KCND2: variants seen among roughly 807,000 people sequenced by gnomAD.
The protein encoded by KCND2 is A-type voltage-gated potassium channel KCND2.
In KCND2, 16 loss-of-function variants were observed where a neutral mutation model predicts 54.4. The ratio of observed to expected loss-of-function variants is 0.29; its 90% CI spans 0.20 to 0.45. The LOEUF (loss-of-function observed/expected upper bound fraction) is 0.45. Ranked by LOEUF, KCND2 falls within the 20% of genes least tolerant of loss-of-function variation. The pLI is 1.00. For synonymous variants in KCND2, 317 were observed against 310.7 expected (o/e 1.02, Z -0.21); for missense variants, 486 against 824.2 (o/e 0.59, Z 5.02).
At chr7:120,646,558 C>T (rs917171673) in intron 1 of KCND2, among the ~76,000 whole-genome samples, 18 of 151,996 alleles carry the variant, frequency 1.2e-4, no homozygotes, top group African/African-American at 4.1e-4. Flanking sequence ...ATGGTTTTTG[C>T]CTATGGCAAC....
At chr7:120,544,197 G>A (rs1050089293) in intron 1 of KCND2, among the ~76,000 whole-genome samples, 2 of 151,912 alleles carry the variant, frequency 1.3e-5, no homozygotes, top group African/African-American at 4.8e-5. Flanking sequence ...TCTTAAAAGA[G>A]TTGAGGTTAT....
chr7:120,457,128 C>G (rs1396955874), intron 1 of KCND2, among the ~76,000 whole-genome samples: 2 of 152,180 alleles, frequency 1.3e-5, no homozygotes, highest in African/African-American at 4.8e-5. Flanking sequence ...CAAGGCTGCA[C>G]ACATTAGGGG....
intron 1 of KCND2, among the ~76,000 whole-genome samples, chr7:120,289,712 G>T (rs1799406795): frequency 6.6e-6 from 1 of 151,952 alleles, no homozygotes; most frequent in Admixed American, 6.6e-5. Context: ...TTCACCTTAG[G>T]CCAGACATAA....
At chr7:120,745,631 A>T in intron 4 of KCND2, 149 bp from the exon 5 acceptor site, 1 of 791,312 alleles carries the variant, frequency 1.3e-6, no homozygotes, top group East Asian at 2.7e-5. Flanking sequence ...AGTGGTTTTG[A>T]TGTCAATCTT....
chr7:120,712,422 C>T (rs1357295565), intron 1 of KCND2, among the ~76,000 whole-genome samples: 1 of 150,766 alleles, frequency 6.6e-6, no homozygotes, highest in Non-Finnish European at 1.5e-5. Flanking sequence ...CGCTACCACG[C>T]CCATTTTTTT....
rs568200180 is a variant in KCND2 at position 120,706,124 on chromosome 7, C to A, written c.1116-26779C>A. 8.3e-4 allele frequency among the ~76,000 whole-genome samples: 127 copies of A among 152,176 alleles called. 3 individuals are homozygous for A. The highest frequency in any genetic ancestry group is 2.9e-3 in the African/African-American group (119 of 41,518). ...AGAGGATAGTACCCCGACATAAAAC[C>A]AGTACAAAAGGTCACACAAAATGCT... On this transcript the variant is annotated intron_variant, in intron 1 of 5. Transcript: ENST00000331113.
At chr7:120,678,549 G>T (rs1018295879) in intron 1 of KCND2, among the ~76,000 whole-genome samples, 2 of 146,510 alleles carry the variant, frequency 1.4e-5, no homozygotes, top group African/African-American at 5.0e-5. Context: ...ATGTAAATGT[G>T]TATGTATGTA....
intron 1 of KCND2, among the ~76,000 whole-genome samples, chr7:120,603,561 A>G (rs914116935): frequency 6.6e-6 from 1 of 152,184 alleles, no homozygotes; most frequent in Non-Finnish European, 1.5e-5. Context: ...GAGAAGTAGC[A>G]TAGGGCAGTA....
At chr7:120,331,747 GTCA>G (rs1263382397) in intron 1 of KCND2, among the ~76,000 whole-genome samples, 3 of 151,996 alleles carry the variant, frequency 2.0e-5, no homozygotes, top group African/African-American at 7.2e-5. Flanking sequence ...AAGGAAAAAT[GTCA>G]TCATAATGAA....
intron 1 of KCND2, among the ~76,000 whole-genome samples, chr7:120,397,650 C>T (rs773884380): frequency 2.0e-5 from 3 of 151,784 alleles, no homozygotes; most frequent in South Asian, 2.1e-4. Context: ...CAGTAAAAAG[C>T]GACAGGAAGT....
At chr7:120,618,062 A>G (rs1029775021) in intron 1 of KCND2, among the ~76,000 whole-genome samples, 1 of 152,206 alleles carries the variant, frequency 6.6e-6, no homozygotes, top group Non-Finnish European at 1.5e-5. Flanking sequence ...ATTGAGTACT[A>G]TGCCGAATAC....
intron 1 of KCND2, among the ~76,000 whole-genome samples, chr7:120,523,456 C>T (rs1034249373): frequency 1.3e-5 from 2 of 149,850 alleles, no homozygotes; most frequent in African/African-American, 4.9e-5. Context: ...TGGACTAAGT[C>T]ATCCATTTAG....
In KCND2 at chr7:120,607,208, C is replaced by T. The variant is rs145829438; in HGVS notation, c.1116-125695C>T. ...TAAGGTTTGTTTTTTTTTTTCTTGA[C>T]TAAATGTTGCCCATATTGTTGCAAG... On this transcript the variant is annotated intron_variant, in intron 1 of 5. Transcript: ENST00000331113. Among the ~76,000 whole-genome samples the T allele has an allele frequency of 4.5e-3, 674 of 150,892 alleles. 6 individuals carry two copies. The highest frequency in any genetic ancestry group is 0.015 in the African/African-American group (635 of 41,126).
chr7:120,292,472 T>C (rs953697436), intron 1 of KCND2, among the ~76,000 whole-genome samples: 1 of 151,924 alleles, frequency 6.6e-6, no homozygotes, highest in Non-Finnish European at 1.5e-5. Flanking sequence ...GTTCTTTTTC[T>C]TCAGAGAATC....
At chr7:120,714,877 C>T (rs972550080) in intron 1 of KCND2, among the ~76,000 whole-genome samples, 4 of 150,048 alleles carry the variant, frequency 2.7e-5, no homozygotes, top group Non-Finnish European at 5.9e-5. Context: ...TATATAATAC[C>T]CACACACACT....
chr7:120,635,028 T>G (rs1483527913), intron 1 of KCND2, among the ~76,000 whole-genome samples: 1 of 152,234 alleles, frequency 6.6e-6, no homozygotes, highest in Non-Finnish European at 1.5e-5. Context: ...ATCTACTAGT[T>G]GACATCATTT....
At chr7:120,700,179 A>C (rs543621664) in intron 1 of KCND2, among the ~76,000 whole-genome samples, 5 of 152,354 alleles carry the variant, frequency 3.3e-5, no homozygotes, top group African/African-American at 1.2e-4. Flanking sequence ...TCTAAAGAAA[A>C]GGATATAAAT....
chr7:120,308,860 A>T (rs1799686560), intron 1 of KCND2, among the ~76,000 whole-genome samples: 1 of 152,224 alleles, frequency 6.6e-6, no homozygotes, highest in Non-Finnish European at 1.5e-5. Context: ...TTAACAAATT[A>T]ACTTGAACAC....
At chr7:120,286,367 A>G (rs1421427076) in intron 1 of KCND2, among the ~76,000 whole-genome samples, 1 of 151,944 alleles carries the variant, frequency 6.6e-6, no homozygotes, top group Non-Finnish European at 1.5e-5. Flanking sequence ...TATATGACCG[A>G]TCTTATTTTG....
Sources: allele counts gnomAD v4.1 joint callset (sites outside exome capture counted in the v4.1 genomes callset), GRCh38; gene constraint gnomAD v4.1.1; transcripts MANE v1.5; gene names NCBI Gene and HGNC (gene_info 2026-07-23, HGNC 2026-07-21).